Variants in SORCS3 observed in about 807,000 individuals in gnomAD.
The protein encoded by SORCS3 is sortilin related VPS10 domain containing receptor 3, also known as VPS10 domain-containing receptor SorCS3.
In SORCS3, 57 loss-of-function variants were observed where a neutral mutation model predicts 146.3. The ratio of observed to expected loss-of-function variants is 0.39; its 90% CI spans 0.31 to 0.49. The LOEUF is 0.49. Among genes scored for constraint, SORCS3 ranks in the 20% least tolerant of loss-of-function variants. SORCS3 has a pLI of 0.92. For synonymous variants in SORCS3, 653 were observed against 618.5 expected, an observed-to-expected ratio of 1.06 and a Z score of -0.83; for missense variants, 1,341 against 1,575.5, an observed-to-expected ratio of 0.85 and a Z score of 2.52.
At chr10:104,720,254 G>T (rs1251562692) in intron 1 of SORCS3, among the ~76,000 whole-genome samples, 3 of 151,582 alleles carry the variant, frequency 2.0e-5, no homozygotes, top group East Asian at 3.9e-4. Flanking sequence ...GCAATAGTTT[G>T]CTGAGAATGA....
intron 3 of SORCS3, among the ~76,000 whole-genome samples, chr10:104,948,935 A>C (rs1210032576): frequency 6.6e-6 from 1 of 152,198 alleles, no homozygotes; most frequent in Non-Finnish European, 1.5e-5. Flanking sequence ...AAGGAATACA[A>C]ATTAATGCTA....
intron 14 of SORCS3, among the ~76,000 whole-genome samples, chr10:105,191,650 G>C (rs2056517525): frequency 6.6e-6 from 1 of 152,142 alleles, no homozygotes; most frequent in South Asian, 2.1e-4. Flanking sequence ...GTTTTCCATG[G>C]GTGAGAGTGC....
chr10:104,727,463 A>G (rs924656372), intron 1 of SORCS3, among the ~76,000 whole-genome samples: 6 of 151,908 alleles, frequency 3.9e-5, no homozygotes, highest in Admixed American at 2.6e-4. Flanking sequence ...CATCATCTGC[A>G]TATTTCCATG....
At chr10:104,819,785 G>A (rs1342145818) in intron 1 of SORCS3, among the ~76,000 whole-genome samples, 1 of 152,224 alleles carries the variant, frequency 6.6e-6, no homozygotes, top group African/African-American at 2.4e-5. Flanking sequence ...AGGAAGAGAA[G>A]TTGAGGGCTG....
chr10:104,901,682 G>C (rs369855485), intron 2 of SORCS3, among the ~76,000 whole-genome samples: 69 of 152,178 alleles, frequency 4.5e-4, no homozygotes, highest in African/African-American at 1.5e-3. Flanking sequence ...TGGTGGTCTT[G>C]TTATTAGATT....
chr10:104,879,474 A>C (rs907631409), intron 2 of SORCS3, among the ~76,000 whole-genome samples: 11 of 152,144 alleles, frequency 7.2e-5, no homozygotes, highest in African/African-American at 2.7e-4. Flanking sequence ...ACCCAGGATA[A>C]TCTCCTGATC....
At chr10:104,856,428 ATTATG>A (rs1450157113) in intron 2 of SORCS3, among the ~76,000 whole-genome samples, 1 of 135,026 alleles carries the variant, frequency 7.4e-6, no homozygotes, top group African/African-American at 3.5e-5. Flanking sequence ...ATATTATGAT[ATTATG>A]TTATGATTAT....
At chr10:105,219,317 A>G (rs1246545980) in intron 19 of SORCS3, among the ~76,000 whole-genome samples, 1 of 152,230 alleles carries the variant, frequency 6.6e-6, no homozygotes, top group East Asian at 1.9e-4. Context: ...TCCTTTATCC[A>G]GCAATGAGTT....
intron 7 of SORCS3, among the ~76,000 whole-genome samples, chr10:105,110,400 C>G (rs967495015): frequency 6.6e-6 from 1 of 151,714 alleles, no homozygotes; most frequent in African/African-American, 2.4e-5. Flanking sequence ...TTTTCCTGTC[C>G]CTTTCTGTCT....
chr10:105,128,948 C>T (rs1031507076), intron 7 of SORCS3, among the ~76,000 whole-genome samples: 1 of 152,040 alleles, frequency 6.6e-6, no homozygotes, highest in Non-Finnish European at 1.5e-5. Context: ...AAAATAACCC[C>T]CAAACTGCAA....
intron 1 of SORCS3, among the ~76,000 whole-genome samples, chr10:104,685,671 C>G (rs2016035600): frequency 1.3e-5 from 2 of 152,184 alleles, no homozygotes; most frequent in Admixed American, 1.3e-4. Context: ...CTTACATATG[C>G]TTGGAAATAA....
At chr10:105,192,109 T>C (rs2056520589) in intron 14 of SORCS3, among the ~76,000 whole-genome samples, 1 of 152,190 alleles carries the variant, frequency 6.6e-6, no homozygotes, top group Non-Finnish European at 1.5e-5. Flanking sequence ...TTAATAAATT[T>C]GTATGCCTTT....
chr10:104,681,059 G>T (rs1037703088), intron 1 of SORCS3, among the ~76,000 whole-genome samples: 1 of 152,228 alleles, frequency 6.6e-6, no homozygotes, highest in African/African-American at 2.4e-5. Flanking sequence ...CCCGGGAAGA[G>T]GACCAGCTTG....
intron 11 of SORCS3, among the ~76,000 whole-genome samples, chr10:105,163,098 C>T (rs932273822): frequency 6.6e-6 from 1 of 152,128 alleles, no homozygotes; most frequent in African/African-American, 2.4e-5. Context: ...TCCTCCCACA[C>T]CTACTGCCTG....
At chr10:104,876,149 T>C (rs1188620051) in intron 2 of SORCS3, among the ~76,000 whole-genome samples, 1 of 152,216 alleles carries the variant, frequency 6.6e-6, no homozygotes, top group Admixed American at 6.5e-5. Context: ...CAAAAAGGAC[T>C]GTGACTTCAA....
intron 1 of SORCS3, among the ~76,000 whole-genome samples, chr10:104,816,610 T>C (rs576650017): frequency 2.0e-5 from 3 of 152,316 alleles, no homozygotes; most frequent in African/African-American, 7.2e-5. Flanking sequence ...TTAGTAGCTA[T>C]TCCCATGGAG....
chr10:104,641,823 G>A lies in SORCS3; in HGVS notation c.496G>A (p.Glu166Lys). 6.4e-7 allele frequency: 1 copy of A among 1,558,124 alleles called. No individual in the cohort carries two copies. Residue 166 changes from glutamate (E) to lysine (K), a missense_variant, in exon 1 of 27, where the codon GAG (glutamate) becomes AAG (lysine). Physicochemically the swap from Glu to Lys is moderately conservative, Grantham distance 56 (BLOSUM62 1). Transcript: ENST00000369701. This position sits in a 1 kb window ranked among gnomAD's most constrained non-coding sequence, Gnocchi z 6.4. ...GSRPLAKGSR[E>K]EVKAPRAGGS... ...CCGTCCCCTTGCTAAGGGTTCCCGG[G>A]AGGAGGTGAAGGCGCCGCGGGCTGG...
intron 7 of SORCS3, among the ~76,000 whole-genome samples, chr10:105,133,175 G>T (rs950251428): frequency 6.6e-6 from 1 of 152,188 alleles, no homozygotes. Context: ...CCCCTGAAGG[G>T]GTGTGTGATG....
chr10:104,696,781 T>TATAA (rs1554844616), intron 1 of SORCS3, among the ~76,000 whole-genome samples: 1 of 128,468 alleles, frequency 7.8e-6, no homozygotes, highest in Non-Finnish European at 1.6e-5. Context: ...TATATATATA[T>TATAA]AATGGAATAT....
Sources: gnomAD v4.1 joint callset for allele counts (sites outside exome capture counted in the v4.1 genomes callset) on GRCh38, gnomAD v4.1.1 for gene constraint, Gnocchi (gnomAD v3.1) non-coding constraint, MANE v1.5 for transcripts, NCBI Gene and HGNC (gene_info 2026-07-23, HGNC 2026-07-21) for gene names.